Variants in CGGBP1 observed in about 807,000 individuals in gnomAD.
The protein encoded by CGGBP1 is CGG triplet repeat binding protein 1.
CGGBP1 carries 4 observed loss-of-function variants against 11.4 expected under a neutral mutation model. That is an observed-to-expected ratio of 0.35 (90% CI 0.17 to 0.80). The LOEUF (loss-of-function observed/expected upper bound fraction) is 0.80, where lower values mean the gene tolerates loss of function less well. Ranked by LOEUF, CGGBP1 falls within the 30% of genes least tolerant of loss-of-function variation. The pLI is 0.52. For synonymous variants in CGGBP1, 76 were observed against 74.1 expected (o/e 1.03, Z -0.13); for missense variants, 135 against 202.1 (o/e 0.67, Z 2.01).
chr3:88,076,114 C>T (rs1264312715), intron 2 of CGGBP1, among the ~76,000 whole-genome samples: 1 of 152,182 alleles, frequency 6.6e-6, no homozygotes, highest in African/African-American at 2.4e-5. Context: ...AAGGTAATCT[C>T]CCTGCTTTTT....
At chr3:88,108,706 C>T (rs1704897834) in intron 2 of CGGBP1, among the ~76,000 whole-genome samples, 2 of 152,020 alleles carry the variant, frequency 1.3e-5, no homozygotes, top group South Asian at 4.1e-4. Context: ...TGCTTGTGTT[C>T]AGGTAACCCT....
chr3:88,146,346 T>G (rs1322405567), intron 1 of CGGBP1, among the ~76,000 whole-genome samples: 2 of 152,188 alleles, frequency 1.3e-5, no homozygotes, highest in African/African-American at 4.8e-5. Flanking sequence ...TGCCAAGACA[T>G]TTAAACAAGT....
rs1214665856 is a variant in CGGBP1 at position 88,140,595 on chromosome 3, A to G, written c.-229+375T>C. Reference sequence around the variant, plus strand: ...TGAAAATAATTGTAGTAGTAGTGATATAGTCAATGGACACAGTGAAATAGA... The same window carrying G: ...TGAAAATAATTGTAGTAGTAGTGATGTAGTCAATGGACACAGTGAAATAGA... On this transcript the variant is annotated intron_variant, in intron 2 of 3. Transcript: ENST00000462901. 8 of 1,613,656 alleles carry G rather than the reference A, an allele frequency of 5.0e-6. No homozygotes were observed. In the East Asian group the frequency reaches 1.1e-4, roughly 22 times the overall value.
intron 2 of CGGBP1, among the ~76,000 whole-genome samples, chr3:88,090,169 T>C (rs1267600145): frequency 6.6e-6 from 1 of 152,228 alleles, no homozygotes; most frequent in African/African-American, 2.4e-5. Flanking sequence ...AAAGGTTAAC[T>C]GTAAAACAGC....
intron 2 of CGGBP1, among the ~76,000 whole-genome samples, chr3:88,106,777 A>C (rs1445274030): frequency 1.3e-5 from 2 of 152,288 alleles, no homozygotes; most frequent in Admixed American, 6.5e-5. Flanking sequence ...ATCATAGTTA[A>C]ACATTTCTCA....
intron 2 of CGGBP1, among the ~76,000 whole-genome samples, chr3:88,076,614 A>AC (rs1406337899): frequency 1.3e-5 from 2 of 151,944 alleles, no homozygotes; most frequent in Non-Finnish European, 1.5e-5. Context: ...AGTTCTTGAA[A>AC]CCGAGCATAC....
At chr3:88,096,500 C>A (rs1704068849) in intron 2 of CGGBP1, among the ~76,000 whole-genome samples, 1 of 152,126 alleles carries the variant, frequency 6.6e-6, no homozygotes, top group South Asian at 2.1e-4. Context: ...TTAGCCAAAA[C>A]TAACCAGAAC....
chr3:88,088,087 C>CT (rs1339999516), intron 2 of CGGBP1, among the ~76,000 whole-genome samples: 1 of 152,180 alleles, frequency 6.6e-6, no homozygotes, highest in Non-Finnish European at 1.5e-5. Flanking sequence ...ACCTATACTA[C>CT]TTTTTTATTT....
At position 88,055,611 on chromosome 3, in the gene CGGBP1, A is replaced by G; in HGVS notation, c.366T>C (p.Asp122=). 6.2e-7 allele frequency: 1 copy of G among 1,614,194 alleles called. No individual in the cohort carries two copies. Among genetic ancestry groups the G allele is most frequent in the Non-Finnish European group, 8.5e-7 (1 of 1,180,016 alleles). The change falls in exon 4 of 4, where the codon GAT becomes GAC. Residue 122 remains aspartate (D), a synonymous_variant. Coordinates refer to ENST00000482016, the MANE Select transcript of CGGBP1 (RefSeq NM_001008390.2). The surrounding 1 kb of genome is among the most constrained non-coding windows in gnomAD (Gnocchi z 4.2). ...LEANIPLEKA[D]HPAVRAFLSR... ...ATAGGAAAGCACGGACTGCTGGGTG[A>G]TCAGCCTTCTCAAGTGGGATGTTGG... is the stretch of plus-strand genomic sequence containing the variant.
At chr3:88,056,695 C>G (rs1706550336) in intron 3 of CGGBP1, 1 of 151,048 alleles carries the variant, frequency 6.6e-6, no homozygotes, top group African/African-American at 2.4e-5. Flanking sequence ...GTTTCCTTTT[C>G]CCATTAAAAT....
chr3:88,109,315 A>G (rs1704947059), intron 2 of CGGBP1, among the ~76,000 whole-genome samples: 1 of 152,142 alleles, frequency 6.6e-6, no homozygotes, highest in Admixed American at 6.6e-5. Context: ...ACTAAGTAGG[A>G]CTGAATAGAA....
intron 2 of CGGBP1, among the ~76,000 whole-genome samples, chr3:88,100,488 ATT>A (rs1299622476): frequency 6.6e-6 from 1 of 152,074 alleles, no homozygotes; most frequent in Non-Finnish European, 1.5e-5. Context: ...TACCCAGAGG[ATT>A]ATAAATCATG....
intron 2 of CGGBP1, among the ~76,000 whole-genome samples, chr3:88,067,014 AGT>A (rs1165494822): frequency 3.9e-5 from 6 of 152,222 alleles, no homozygotes; most frequent in Admixed American, 6.5e-5. Context: ...CCTAAAGTCT[AGT>A]ACATTAACAC....
chr3:88,069,016 G>A (rs1490118453), intron 2 of CGGBP1, among the ~76,000 whole-genome samples: 1 of 152,146 alleles, frequency 6.6e-6, no homozygotes. Context: ...TTGAGTGGAA[G>A]CAGTGGAATG....
chr3:88,061,685 A>G (rs1279865387), upstream of CGGBP1, among the ~76,000 whole-genome samples: 1 of 152,174 alleles, frequency 6.6e-6, no homozygotes, highest in Non-Finnish European at 1.5e-5. Flanking sequence ...TACCATAGTA[A>G]TTGCTTCATT....
At chr3:88,117,861 A>G (rs1348475251) in intron 2 of CGGBP1, among the ~76,000 whole-genome samples, 1 of 152,080 alleles carries the variant, frequency 6.6e-6, no homozygotes, top group Non-Finnish European at 1.5e-5. Context: ...GAAGTGCAGC[A>G]TAGAGAAAGT....
intron 2 of CGGBP1, chr3:88,095,572 A>G: frequency 5.8e-6 from 3 of 520,710 alleles, no homozygotes; most frequent in Non-Finnish European, 7.8e-6. Flanking sequence ...CATTAAAAAC[A>G]TAAATTGCCA....
At position 88,089,984 on chromosome 3, in the gene CGGBP1, C is replaced by T. The variant is rs76330474; in HGVS notation, c.-228-31761G>A. Among the ~76,000 whole-genome samples, 523 of 152,272 alleles carry T rather than the reference C, an allele frequency of 3.4e-3. 4 individuals carry two copies. Among genetic ancestry groups the T allele is most frequent in the African/African-American group, 0.012 (511 of 41,548 alleles). On this transcript the variant is annotated intron_variant, in intron 2 of 3. Transcript: ENST00000462901. ...AATGTAGTGCAACACATTATTCATGCTTGTGGTGATGCTGGTGTAAACAAA... is the reference window on the plus strand; with the variant it reads ...AATGTAGTGCAACACATTATTCATGTTTGTGGTGATGCTGGTGTAAACAAA...
intron 2 of CGGBP1, among the ~76,000 whole-genome samples, chr3:88,103,007 T>C (rs1189544407): frequency 1.3e-5 from 2 of 152,036 alleles, no homozygotes; most frequent in Non-Finnish European, 1.5e-5. Flanking sequence ...GTCTCCAGTG[T>C]CTGTTGTGCC....
Sources: gnomAD v4.1 joint callset for allele counts (sites outside exome capture counted in the v4.1 genomes callset) on GRCh38, gnomAD v4.1.1 for gene constraint, Gnocchi (gnomAD v3.1) non-coding constraint, MANE v1.5 for transcripts, NCBI Gene and HGNC (gene_info 2026-07-23, HGNC 2026-07-21) for gene names.